PCDH15: variants seen among roughly 807,000 people sequenced by gnomAD.
PCDH15 encodes the protein protocadherin related 15, also known as protocadherin-15.
In PCDH15, 129 loss-of-function variants were observed where a neutral mutation model predicts 178.5. The ratio of observed to expected loss-of-function variants is 0.72; its 90% CI spans 0.63 to 0.84. The LOEUF (loss-of-function observed/expected upper bound fraction) is 0.84. Among genes scored for constraint, PCDH15 ranks in the 40% least tolerant of loss-of-function variants. PCDH15 has a pLI of 0.00. For synonymous variants in PCDH15, 800 were observed against 732.0 expected, an observed-to-expected ratio of 1.09 and a Z score of -1.50; for missense variants, 2,230 against 2,099.9, an observed-to-expected ratio of 1.06 and a Z score of -1.21.
chr10:54,587,642 T>C (rs1316439201), intron 2 of PCDH15, among the ~76,000 whole-genome samples: 1 of 152,148 alleles, frequency 6.6e-6, no homozygotes. Context: ...ATTATGACAA[T>C]TTGCCAAGGC....
intron 2 of PCDH15, among the ~76,000 whole-genome samples, chr10:55,418,545 CTGG>C (rs2132042585): frequency 6.6e-6 from 1 of 151,846 alleles, no homozygotes; most frequent in African/African-American, 2.4e-5. Flanking sequence ...GTATGCTGGA[CTGG>C]TGCTATTGCA....
chr10:54,485,705 A>G (rs12245720), intron 3 of PCDH15, among the ~76,000 whole-genome samples: 6,264 of 152,066 alleles, frequency 0.041, 422 homozygotes, highest in African/African-American at 0.14. Flanking sequence ...TATACAGATC[A>G]CGAGTTTTTA....
intron 26 of PCDH15, among the ~76,000 whole-genome samples, chr10:53,871,069 C>T (rs543054758): frequency 5.9e-5 from 9 of 151,900 alleles, no homozygotes; most frequent in Admixed American, 5.9e-4. Context: ...CGCGGTGGCT[C>T]ACACCTGTAA....
intron 28 of PCDH15, among the ~76,000 whole-genome samples, chr10:53,855,453 T>C (rs2078660353): frequency 6.6e-6 from 1 of 152,032 alleles, no homozygotes; most frequent in African/African-American, 2.4e-5. Context: ...CAATTGATAT[T>C]CCATGCATAA....
intron 2 of PCDH15, among the ~76,000 whole-genome samples, chr10:54,639,928 A>G (rs1170205454): frequency 6.6e-6 from 1 of 152,124 alleles, no homozygotes; most frequent in Non-Finnish European, 1.5e-5. Context: ...GATTATAGAT[A>G]GATTTTTAAA....
Position 55,569,502 on chromosome 10 carries a change from A to C in PCDH15, c.-156+58123T>G, listed in dbSNP as rs535617257. Reference sequence around the variant, plus strand: ...TACTCAAAAAATAAATTTTAAAAACAATCAAAACAAACAGAAATTTCCAAA... The same window carrying C: ...TACTCAAAAAATAAATTTTAAAAACCATCAAAACAAACAGAAATTTCCAAA... On this transcript the variant is annotated intron_variant, in intron 2 of 5. Coordinates refer to the PCDH15 transcript ENST00000613346. Among the ~76,000 whole-genome samples, 13 of 152,126 alleles carry C rather than the reference A, an allele frequency of 8.5e-5. No individual in the cohort carries two copies. The South Asian group carries it at 2.7e-3, about 32-fold the overall frequency.
intron 1 of PCDH15, among the ~76,000 whole-genome samples, chr10:55,192,472 G>A (rs1591978914): frequency 6.6e-6 from 1 of 151,774 alleles, no homozygotes; most frequent in Admixed American, 6.6e-5. Flanking sequence ...ACAGCAGCAT[G>A]AGTTATTTTC....
At chr10:54,219,150 C>T (rs2052464096) in intron 9 of PCDH15, among the ~76,000 whole-genome samples, 1 of 149,098 alleles carries the variant, frequency 6.7e-6, no homozygotes, top group African/African-American at 2.5e-5. Context: ...TGGTGGGCAC[C>T]TGTAGTCCCA....
At chr10:53,916,180 C>G (rs1429838334) in intron 25 of PCDH15, among the ~76,000 whole-genome samples, 1 of 152,136 alleles carries the variant, frequency 6.6e-6, no homozygotes, top group Non-Finnish European at 1.5e-5. Flanking sequence ...TAGACACAAC[C>G]ATCCATTTCT....
At chr10:55,530,118 CAT>C (rs1042494332) in intron 2 of PCDH15, among the ~76,000 whole-genome samples, 3 of 151,612 alleles carry the variant, frequency 2.0e-5, no homozygotes, top group Non-Finnish European at 4.4e-5. Context: ...ATAATAATGA[CAT>C]ATTTTTAAGT....
intron 1 of PCDH15, among the ~76,000 whole-genome samples, chr10:54,783,114 T>C (rs1033636704): frequency 6.6e-6 from 1 of 152,100 alleles, no homozygotes; most frequent in African/African-American, 2.4e-5. Context: ...CAAAATAATT[T>C]TCCAGTAAGA....
intron 2 of PCDH15, among the ~76,000 whole-genome samples, chr10:55,086,523 A>G (rs1032486145): frequency 7.2e-5 from 11 of 152,066 alleles, no homozygotes; most frequent in African/African-American, 2.7e-4. Context: ...GTCTATAGAT[A>G]TATCTTCCAC....
chr10:54,551,556 C>T (rs527317642), intron 2 of PCDH15, among the ~76,000 whole-genome samples: 1 of 152,144 alleles, frequency 6.6e-6, no homozygotes, highest in Admixed American at 6.5e-5. Context: ...GAAAATATAA[C>T]AAGCAAAATT....
At chr10:55,273,492 T>C (rs1372574892) in intron 1 of PCDH15, among the ~76,000 whole-genome samples, 1 of 152,128 alleles carries the variant, frequency 6.6e-6, no homozygotes, top group Non-Finnish European at 1.5e-5. Context: ...GGTAGAATGA[T>C]GACGAATTCC....
At chr10:55,485,075 A>C (rs1379776057) in intron 2 of PCDH15, among the ~76,000 whole-genome samples, 1 of 151,776 alleles carries the variant, frequency 6.6e-6, no homozygotes, top group Non-Finnish European at 1.5e-5. Flanking sequence ...CAGCAAAGGA[A>C]ACAATCATCA....
chr10:54,379,734 G>T (rs895753206), intron 3 of PCDH15, among the ~76,000 whole-genome samples: 1 of 151,894 alleles, frequency 6.6e-6, no homozygotes, highest in Non-Finnish European at 1.5e-5. Flanking sequence ...TTTCCCTCAC[G>T]CAGCAATGAT....
chr10:54,146,935 A>ATG (rs1564530475), intron 14 of PCDH15, among the ~76,000 whole-genome samples: 1 of 63,318 alleles, frequency 1.6e-5, no homozygotes, highest in South Asian at 6.2e-4. Context: ...TATATATATA[A>ATG]TGTATATATA....
At chr10:54,104,539 T>C (rs113724193) in intron 15 of PCDH15, among the ~76,000 whole-genome samples, 7,444 of 151,978 alleles carry the variant, frequency 0.049, 259 homozygotes, top group African/African-American at 0.086. Context: ...AAGCCAGGAG[T>C]TAGAATCCCT....
In PCDH15 at chr10:54,185,337, G is replaced by A. The variant is rs2048394398; in HGVS notation, c.1306-69C>T. ...GTAGCTATTAGTTCATTACCTAGAAGTTAATGTTTGAAATTTATAGCAAAA... is the reference window on the plus strand; with the variant it reads ...GTAGCTATTAGTTCATTACCTAGAAATTAATGTTTGAAATTTATAGCAAAA... On this transcript the variant is annotated intron_variant, in intron 11 of 37. Coordinates refer to ENST00000644397, the MANE Select transcript of PCDH15 (RefSeq NM_001384140.1). 1.9e-6 allele frequency: 3 copies of A among 1,564,604 alleles called. No individual in the cohort carries two copies. In the South Asian group the frequency reaches 3.4e-5, roughly 18 times the overall value.
Sources: gnomAD v4.1 joint callset for allele counts (sites outside exome capture counted in the v4.1 genomes callset) on GRCh38, gnomAD v4.1.1 for gene constraint, MANE v1.5 for transcripts, NCBI Gene and HGNC (gene_info 2026-07-23, HGNC 2026-07-21) for gene names.